Variants in AGPS observed in about 807,000 individuals in gnomAD.
AGPS encodes the protein alkylglycerone phosphate synthase.
In AGPS, 26 loss-of-function variants were observed where a neutral mutation model predicts 90.7. That is an observed-to-expected ratio of 0.29 (90% confidence interval 0.21 to 0.40). The LOEUF (loss-of-function observed/expected upper bound fraction) is 0.40, where lower values mean the gene tolerates loss of function less well. Ranked by LOEUF, AGPS falls within the 10% of genes least tolerant of loss-of-function variation. The probability of loss-of-function intolerance (pLI) is 1.00; values close to 1 mark genes in which losing one functional copy is unlikely to be tolerated. For missense variants in AGPS, 540 were observed against 816.1 expected, an observed-to-expected ratio of 0.66 and a Z score of 4.12; for synonymous variants, 294 against 285.3, an observed-to-expected ratio of 1.03 and a Z score of -0.31.
At chr2:177,403,054 C>G (rs1368988891) in intron 1 of AGPS, among the ~76,000 whole-genome samples, 4 of 151,976 alleles carry the variant, frequency 2.6e-5, no homozygotes, top group Non-Finnish European at 5.9e-5. Context: ...AAGACTCTGT[C>G]TCAAAAAAGG....
At chr2:177,502,594 T>C (rs1468468669) in intron 14 of AGPS, among the ~76,000 whole-genome samples, 1 of 151,880 alleles carries the variant, frequency 6.6e-6, no homozygotes, top group East Asian at 1.9e-4. Context: ...TTTTTGTGTG[T>C]ATGTGTGTGT....
chr2:177,416,342 A>C (rs1476890237), intron 1 of AGPS, among the ~76,000 whole-genome samples: 1 of 152,230 alleles, frequency 6.6e-6, no homozygotes, highest in Non-Finnish European at 1.5e-5. Context: ...ATATCATGGG[A>C]GAATACTGCC....
intron 3 of AGPS, among the ~76,000 whole-genome samples, chr2:177,435,382 T>C (rs1322092589): frequency 6.6e-6 from 1 of 152,110 alleles, no homozygotes; most frequent in Non-Finnish European, 1.5e-5. Context: ...ATCTCTTAAA[T>C]TCTCTCTCTC....
chr2:177,481,144 C>T (rs1026869887), intron 10 of AGPS, among the ~76,000 whole-genome samples: 3 of 152,092 alleles, frequency 2.0e-5, no homozygotes, highest in South Asian at 2.1e-4. Flanking sequence ...AAATTTCTTG[C>T]GTTATGAAGA....
chr2:177,472,271 T>A (rs1687647968), intron 10 of AGPS, among the ~76,000 whole-genome samples: 1 of 152,002 alleles, frequency 6.6e-6, no homozygotes, highest in South Asian at 2.1e-4. Flanking sequence ...TTCTGGTTTT[T>A]TTTTTCAATG....
intron 17 of AGPS, among the ~76,000 whole-genome samples, chr2:177,517,660 G>C (rs1446729129): frequency 6.6e-6 from 1 of 151,892 alleles, no homozygotes; most frequent in Admixed American, 6.6e-5. Context: ...CTAATTTTGG[G>C]GGAGGTGTAA....
intron 1 of AGPS, among the ~76,000 whole-genome samples, chr2:177,397,982 A>G (rs760319329): frequency 6.6e-6 from 1 of 152,152 alleles, no homozygotes; most frequent in Non-Finnish European, 1.5e-5. Flanking sequence ...CAGTGAGCTG[A>G]GATTGCGTCA....
intron 19 of AGPS, among the ~76,000 whole-genome samples, chr2:177,525,340 A>C (rs1040139353): frequency 6.6e-6 from 1 of 152,184 alleles, no homozygotes; most frequent in Non-Finnish European, 1.5e-5. Flanking sequence ...ACTTTAATAT[A>C]TATAAATATA....
At chr2:177,535,117 G>C (rs1280134438) in intron 19 of AGPS, among the ~76,000 whole-genome samples, 3 of 152,134 alleles carry the variant, frequency 2.0e-5, no homozygotes. Context: ...GAAGTCAAAG[G>C]AATATGTTGG....
intron 2 of AGPS, among the ~76,000 whole-genome samples, chr2:177,423,796 A>G (rs1251635476): frequency 1.3e-5 from 2 of 152,142 alleles, no homozygotes; most frequent in Non-Finnish European, 2.9e-5. Context: ...TGAGCAGTCT[A>G]TCTTCTGAAC....
intron 14 of AGPS, among the ~76,000 whole-genome samples, chr2:177,500,573 A>G (rs565480930): frequency 1.3e-5 from 2 of 152,008 alleles, no homozygotes; most frequent in Admixed American, 6.5e-5. Flanking sequence ...CATATCTAAT[A>G]TTAGCCCTTT....
intron 9 of AGPS, among the ~76,000 whole-genome samples, chr2:177,465,971 G>A (rs563650120): frequency 6.6e-6 from 1 of 152,354 alleles, no homozygotes; most frequent in African/African-American, 2.4e-5. Context: ...GAGGTATGCG[G>A]ACAAGTGGAG....
chr2:177,456,926 G>A (rs1238308476), intron 8 of AGPS, among the ~76,000 whole-genome samples: 4 of 152,030 alleles, frequency 2.6e-5, no homozygotes, highest in Non-Finnish European at 4.4e-5. Flanking sequence ...TTCTAAAATT[G>A]ACCACGTAAT....
At chr2:177,425,739 C>T (rs142942654) in intron 2 of AGPS, among the ~76,000 whole-genome samples, 5,317 of 150,226 alleles carry the variant, frequency 0.035, 203 homozygotes, top group African/African-American at 0.098. Flanking sequence ...CTATTCTTTT[C>T]CATTGGTCTA....
intron 10 of AGPS, among the ~76,000 whole-genome samples, chr2:177,472,963 T>A (rs533760887): frequency 6.6e-6 from 1 of 152,318 alleles, no homozygotes; most frequent in African/African-American, 2.4e-5. Context: ...GTATAATATT[T>A]TGGCATTATT....
intron 16 of AGPS, among the ~76,000 whole-genome samples, chr2:177,508,719 A>C (rs1688781091): frequency 6.6e-6 from 1 of 152,200 alleles, no homozygotes; most frequent in African/African-American, 2.4e-5. Flanking sequence ...AGTAATAAAA[A>C]AAATCCTCAA....
intron 1 of AGPS, among the ~76,000 whole-genome samples, chr2:177,400,872 A>T (rs765156460): frequency 8.5e-5 from 13 of 152,188 alleles, no homozygotes; most frequent in Non-Finnish European, 1.3e-4. Flanking sequence ...TCCAACTCAG[A>T]TTGATTACCT....
chr2:177,437,148 T>TA, intron 5 of AGPS, 94 bp downstream of exon 5: 1 of 1,163,064 alleles, frequency 8.6e-7, no homozygotes, highest in Non-Finnish European at 1.3e-6. Flanking sequence ...ATATGAGTTG[T>TA]AAAAAATATA....
intron 10 of AGPS, among the ~76,000 whole-genome samples, chr2:177,472,993 G>A (rs916449433): frequency 1.3e-5 from 2 of 152,018 alleles, no homozygotes; most frequent in African/African-American, 4.8e-5. Context: ...TTGTTTTCTG[G>A]GAGTAATTTT....
Sources: gnomAD v4.1 joint callset for allele counts (sites outside exome capture counted in the v4.1 genomes callset) on GRCh38, gnomAD v4.1.1 for gene constraint, MANE v1.5 for transcripts, NCBI Gene and HGNC (gene_info 2026-07-23, HGNC 2026-07-21) for gene names.